RNMT: variants seen among roughly 807,000 people sequenced by gnomAD.
RNMT encodes mRNA cap guanine-N(7) methyltransferase.
RNMT carries 27 observed loss-of-function variants against 56.0 expected under a neutral mutation model. The observed-to-expected ratio is 0.48, with a 90% CI of 0.36 to 0.67. The LOEUF (loss-of-function observed/expected upper bound fraction) is 0.67. RNMT is among the 30% of genes least tolerant of loss of function. The pLI is 0.00. For synonymous variants in RNMT, 184 were observed against 176.2 expected, an observed-to-expected ratio of 1.04 and a Z score of -0.35; for missense variants, 519 against 552.1, an observed-to-expected ratio of 0.94 and a Z score of 0.60.
At position 13,762,674 on chromosome 18, in the gene RNMT, A is replaced by T. The variant is rs2044634747; in HGVS notation, c.*2695A>T. The T allele has an allele frequency of 4.8e-6, 1 of 208,468 alleles. No homozygotes were observed. Among genetic ancestry groups the T allele is most frequent in the Admixed American group, 5.2e-5 (1 of 19,190 alleles). The allele number at this position is 208,468 out of a possible 1,614,324, so 12.9% of individuals were successfully genotyped here. A position where few individuals can be genotyped will look rare whatever the true frequency, so the allele number is the denominator to read the frequency against. On this transcript the variant is annotated 3_prime_UTR_variant, in exon 12 of 12. Coordinates refer to ENST00000383314, the MANE Select transcript of RNMT (RefSeq NM_003799.3). ...GCTCTCTGACTTCACATGTTAATAG[A>T]GGATCAGAGCAGAGTTGGGAGTATA...
At chr18:13,747,780 A>G (rs188954951) in intron 9 of RNMT, among the ~76,000 whole-genome samples, 4 of 152,246 alleles carry the variant, frequency 2.6e-5, no homozygotes, top group Admixed American at 2.6e-4. Flanking sequence ...TAGATCTAAG[A>G]ATGTTTTTAT....
rs2044639871 is a variant in RNMT at position 13,763,169 on chromosome 18, A to C, written c.*3190A>C. 1 of 455,776 alleles carries C rather than the reference A, an allele frequency of 2.2e-6. No individual in the cohort carries two copies. Among genetic ancestry groups the C allele is most frequent in the South Asian group, 1.5e-5 (1 of 64,538 alleles). The allele number at this position is 455,776 out of a possible 1,614,324, so 28.2% of individuals were successfully genotyped here. On this transcript the variant is annotated 3_prime_UTR_variant, in exon 12 of 12. Coordinates refer to ENST00000383314, the MANE Select transcript of RNMT (RefSeq NM_003799.3). ...TGTTAGAACCTCCCTAGTTGCTGCT[A>C]TATCAAACACTGCACACTTGACAAG...
At chr18:13,735,052 T>A (rs900961570) in intron 4 of RNMT, among the ~76,000 whole-genome samples, 1 of 152,082 alleles carries the variant, frequency 6.6e-6, no homozygotes, top group Non-Finnish European at 1.5e-5. Flanking sequence ...AAAATGAAAG[T>A]GAACAGAGAA....
At position 13,760,605 on chromosome 18, in the gene RNMT, A is replaced by G; in HGVS notation, c.*626A>G. The G allele has an allele frequency of 1.0e-6, 1 of 985,534 alleles. No homozygotes were observed. Among genetic ancestry groups the G allele is most frequent in the Non-Finnish European group, 1.2e-6 (1 of 829,922 alleles). 61.0% of individuals were successfully genotyped at this position (985,534 alleles called of 1,614,324 possible). ...AGAACATTTTAAGTGGCAGCATAGAATTTTGGAATTTTGGGGCTTTCTTTT... is the reference window on the plus strand; with the variant it reads ...AGAACATTTTAAGTGGCAGCATAGAGTTTTGGAATTTTGGGGCTTTCTTTT... On this transcript the variant is annotated 3_prime_UTR_variant, in exon 12 of 12. Coordinates refer to ENST00000383314, the MANE Select transcript of RNMT (RefSeq NM_003799.3).
intron 8 of RNMT, chr18:13,742,936 G>T (rs1339610507): frequency 8.9e-6 from 2 of 225,250 alleles, no homozygotes; most frequent in Non-Finnish European, 1.7e-5. Context: ...CCTTCAGCTT[G>T]TGGCACAAAA....
In RNMT at chr18:13,752,882, T is replaced by C. The variant is rs796791977; in HGVS notation, c.1359+455T>C. Among the ~76,000 whole-genome samples the C allele has an allele frequency of 6.3e-4, 96 of 152,356 alleles. 1 individual carries two copies. The highest frequency in any genetic ancestry group is 2.2e-3 in the African/African-American group (92 of 41,586). ...TTGTCATCAGTAGAAGTTACAGATA[T>C]TTTCATAGCACATTTTTGCTAATAT... On this transcript the variant is annotated intron_variant, in intron 10 of 11. Transcript: ENST00000383314.
intron 5 of RNMT, among the ~76,000 whole-genome samples, chr18:13,739,205 C>G (rs993392755): frequency 6.6e-6 from 1 of 152,170 alleles, no homozygotes; most frequent in Non-Finnish European, 1.5e-5. Flanking sequence ...CAGTACTGTT[C>G]TTGAAGATGA....
chr18:13,757,427 T>C (rs1210216296), intron 11 of RNMT, among the ~76,000 whole-genome samples: 1 of 152,226 alleles, frequency 6.6e-6, no homozygotes, highest in Non-Finnish European at 1.5e-5. Context: ...TACTGGTCTT[T>C]ATCAACTAAG....
chr18:13,759,371 G>A (rs2044592065), intron 11 of RNMT, among the ~76,000 whole-genome samples: 1 of 152,144 alleles, frequency 6.6e-6, no homozygotes, highest in Non-Finnish European at 1.5e-5. Context: ...CCTTATTTCA[G>A]GGAGAGAGCT....
Position 13,762,003 on chromosome 18 carries a change from A to C in RNMT, c.*2024A>C, listed in dbSNP as rs550400792. The C allele has an allele frequency of 1.3e-4, 196 of 1,535,864 alleles. 1 individual carries two copies. The South Asian group carries it at 1.8e-3, about 14-fold the overall frequency. On this transcript the variant is annotated 3_prime_UTR_variant, in exon 12 of 12. Transcript: ENST00000383314. ...GGAGCTAGTAGGACTCTTCCTTGAC[A>C]CACCTTGTCGTCTAAATGTTCGGTA...
chr18:13,745,058 G>C (rs529448873), intron 8 of RNMT, among the ~76,000 whole-genome samples: 19 of 152,332 alleles, frequency 1.2e-4, no homozygotes, highest in African/African-American at 4.6e-4. Flanking sequence ...AGGACAGCGT[G>C]TGTGAGGGCC....
intron 5 of RNMT, among the ~76,000 whole-genome samples, chr18:13,739,270 C>T (rs12104083): frequency 4.6e-5 from 7 of 151,890 alleles, no homozygotes; most frequent in Non-Finnish European, 7.4e-5. Flanking sequence ...TTTCATCACA[C>T]AACATTTTAA....
intron 11 of RNMT, among the ~76,000 whole-genome samples, chr18:13,755,820 GTCA>G (rs957045075): frequency 6.0e-4 from 91 of 152,258 alleles, no homozygotes; most frequent in African/African-American, 2.2e-3. Context: ...TTGATCACGA[GTCA>G]TCATGATGGC....
intron 1 of RNMT, among the ~76,000 whole-genome samples, chr18:13,728,206 C>T (rs1389556593): frequency 1.3e-5 from 2 of 151,416 alleles, no homozygotes; most frequent in Non-Finnish European, 2.9e-5. Flanking sequence ...TCATACTTTT[C>T]CCAGTATGTA....
chr18:13,748,518 A>G (rs1339328012), intron 9 of RNMT, among the ~76,000 whole-genome samples: 1 of 152,200 alleles, frequency 6.6e-6, no homozygotes, highest in Non-Finnish European at 1.5e-5. Flanking sequence ...CGACCAGGTC[A>G]GAGGTTTAAA....
chr18:13,732,427 T>C (rs2149082988), intron 3 of RNMT, among the ~76,000 whole-genome samples: 1 of 152,360 alleles, frequency 6.6e-6, no homozygotes, highest in Non-Finnish European at 1.5e-5. Context: ...ACTTTTAAAA[T>C]TATACCTAGC....
intron 1 of RNMT, among the ~76,000 whole-genome samples, chr18:13,728,205 T>C (rs2043997014): frequency 6.6e-6 from 1 of 152,066 alleles, no homozygotes; most frequent in Non-Finnish European, 1.5e-5. Flanking sequence ...ATCATACTTT[T>C]CCCAGTATGT....
chr18:13,738,469 T>C lies in RNMT; in HGVS notation c.679+1334T>C, dbSNP rs202008145. Among the ~76,000 whole-genome samples, 7 of 152,332 alleles carry C rather than the reference T, an allele frequency of 4.6e-5. No homozygotes were observed. In the East Asian group the frequency reaches 9.6e-4, roughly 21 times the overall value. ...AATAGCCTTTTTTGATAATTGTAGA[T>C]ATTCCTCTGTTACTACATCAAAACT... is the stretch of plus-strand genomic sequence containing the variant. On this transcript the variant is annotated intron_variant, in intron 5 of 11. Transcript: ENST00000383314.
In RNMT at chr18:13,731,600, C is replaced by CTT; in HGVS notation, c.84_85dup (p.Ser29PhefsTer26). On this transcript the variant is annotated frameshift_variant, in exon 3 of 12. Coordinates refer to ENST00000383314, the MANE Select transcript of RNMT (RefSeq NM_003799.3). LOFTEE classifies it high-confidence loss of function. ...GCGTCAGTGAATTCTGAAACAGAGT[C>CTT]TTCATTCAATATTAATGAAAACACA... The CTT allele has an allele frequency of 6.2e-7, 1 of 1,613,666 alleles. No individual in the cohort carries two copies. Among genetic ancestry groups the CTT allele is most frequent in the Non-Finnish European group, 8.5e-7 (1 of 1,179,722 alleles).
Sources: allele counts gnomAD v4.1 joint callset (sites outside exome capture counted in the v4.1 genomes callset), GRCh38; gene constraint gnomAD v4.1.1; transcripts MANE v1.5; gene names NCBI Gene and HGNC (gene_info 2026-07-23, HGNC 2026-07-21).